Variants in IFT88 observed in about 807,000 individuals in gnomAD.
IFT88 encodes the protein intraflagellar transport 88, also known as intraflagellar transport protein 88 homolog.
Under a neutral mutation model 119.5 loss-of-function variants are expected in IFT88, and 74 were observed. The observed-to-expected ratio is 0.62, with a 90% confidence interval of 0.51 to 0.75. The LOEUF (loss-of-function observed/expected upper bound fraction) is 0.75. Ranked by LOEUF, IFT88 falls within the 30% of genes least tolerant of loss-of-function variation. The pLI, the probability that IFT88 is intolerant of heterozygous loss-of-function variation, is 0.00. For missense variants in IFT88, 961 were observed against 977.7 expected (o/e 0.98, Z 0.23); for synonymous variants, 279 against 316.7 (o/e 0.88, Z 1.26).
intron 2 of IFT88, among the ~76,000 whole-genome samples, chr13:20,581,671 C>T (rs951841373): frequency 6.3e-5 from 9 of 143,768 alleles, no homozygotes; most frequent in African/African-American, 1.7e-4. Context: ...CTGGGTAACA[C>T]GGCAAAATCC....
chr13:20,672,875 A>T (rs781069629), intron 24 of IFT88, among the ~76,000 whole-genome samples: 1 of 137,402 alleles, frequency 7.3e-6, no homozygotes, highest in Non-Finnish European at 1.5e-5. Flanking sequence ...GGAATTGTAG[A>T]TGGAGGGTCA....
intron 22 of IFT88, among the ~76,000 whole-genome samples, chr13:20,658,376 C>T (rs749016078): frequency 3.9e-5 from 6 of 152,086 alleles, no homozygotes; most frequent in Admixed American, 6.6e-5. Context: ...CCACCATGCC[C>T]GGCCTAGAAC....
intron 24 of IFT88, among the ~76,000 whole-genome samples, chr13:20,682,597 G>T (rs1196286091): frequency 6.6e-6 from 1 of 152,206 alleles, no homozygotes; most frequent in Non-Finnish European, 1.5e-5. Flanking sequence ...CCCCAAGTAG[G>T]AGTGAGGAGG....
chr13:20,669,612 C>T (rs1419817378), intron 23 of IFT88, among the ~76,000 whole-genome samples: 2 of 151,758 alleles, frequency 1.3e-5, no homozygotes, highest in Non-Finnish European at 2.9e-5. Flanking sequence ...TTAGTAGAGA[C>T]GGGGTTTTGC....
rs777464164 is a variant in IFT88, at chr13:20,656,372, C to T, written c.2010C>T (p.Tyr670=). 1 of 1,451,800 alleles carries T rather than the reference C, an allele frequency of 6.9e-7. No homozygotes were observed. The highest frequency in any genetic ancestry group is 9.4e-7 in the Non-Finnish European group (1 of 1,059,234). The allele number at this position is 1,451,800 out of a possible 1,614,324, so 89.9% of individuals were successfully genotyped here. The part of the protein sequence containing the change: ...VASCFRRSGN[Y]QKALDTYKDT... ...TCTCTTGTTTGTTTATAGGTAACTA[C>T]CAAAAAGCATTAGATACTTACAAAG... is the stretch of plus-strand genomic sequence containing the variant. The change falls in exon 22 of 26, where the codon TAC becomes TAT. Residue 670 remains tyrosine (Y), a synonymous_variant. Transcript: ENST00000351808.
intron 1 of IFT88, among the ~76,000 whole-genome samples, chr13:20,569,060 T>C (rs926556397): frequency 3.3e-5 from 5 of 152,156 alleles, no homozygotes; most frequent in African/African-American, 4.8e-5. Context: ...ATGCCATTTC[T>C]ATGTGGGTGA....
At position 20,663,577 on chromosome 13, in the gene IFT88, G is replaced by C; in HGVS notation, c.2148G>C (p.Leu716Phe). 2 of 1,613,460 alleles carry C rather than the reference G, an allele frequency of 1.2e-6. No individual in the cohort carries two copies. The highest frequency in any genetic ancestry group is 1.7e-6 in the Non-Finnish European group (2 of 1,179,704). The change falls in exon 23 of 26, where the codon TTG (leucine) becomes TTC (phenylalanine). Residue 716 changes from leucine (L) to phenylalanine (F), a missense_variant. Transcript: ENST00000351808. ...AATATGCCAGAAAACTGAAGAGGTT[G>C]GAAAAAATGAAAGAAATAAGGGAAC... ...AQEYARKLKR[L>F]EKMKEIREQR...
chr13:20,627,038 A>G (rs2047451574), intron 15 of IFT88, among the ~76,000 whole-genome samples: 1 of 152,212 alleles, frequency 6.6e-6, no homozygotes, highest in South Asian at 2.1e-4. Flanking sequence ...TATCTACTAA[A>G]GAATATGAGA....
rs141853005 is a variant in IFT88 at position 20,681,346 on chromosome 13, C to T, written c.2243-9359C>T. Among the ~76,000 whole-genome samples, 384 of 152,286 alleles carry T rather than the reference C, an allele frequency of 2.5e-3. 2 individuals carry two copies. The highest frequency in any genetic ancestry group is 6.8e-3 in the Middle Eastern group (2 of 294). ...CATGCACATAAGCTAGTCTCCTAAACGAGGGAACATGGGTGGCACCCATTT... is the reference window on the plus strand; with the variant it reads ...CATGCACATAAGCTAGTCTCCTAAATGAGGGAACATGGGTGGCACCCATTT... On this transcript the variant is annotated intron_variant, in intron 24 of 25. Coordinates refer to ENST00000351808, the MANE Select transcript of IFT88 (RefSeq NM_006531.5).
chr13:20,652,182 G>A (rs534538756), intron 20 of IFT88, among the ~76,000 whole-genome samples: 1 of 152,300 alleles, frequency 6.6e-6, no homozygotes, highest in South Asian at 2.1e-4. Flanking sequence ...AAATGCCACT[G>A]AATTGTACAC....
intron 16 of IFT88, among the ~76,000 whole-genome samples, chr13:20,637,120 T>C (rs1320423895): frequency 6.6e-6 from 1 of 152,178 alleles, no homozygotes; most frequent in African/African-American, 2.4e-5. Context: ...AGATTAGTGG[T>C]TGCCAGGGGC....
intron 2 of IFT88, among the ~76,000 whole-genome samples, chr13:20,579,434 C>T (rs181124365): frequency 3.2e-4 from 48 of 152,346 alleles, no homozygotes; most frequent in African/African-American, 1.1e-3. Context: ...GTCACCACAA[C>T]AGACCCGCAG....
At chr13:20,671,355 C>T (rs994479802) in intron 24 of IFT88, among the ~76,000 whole-genome samples, 4 of 152,170 alleles carry the variant, frequency 2.6e-5, no homozygotes, top group Non-Finnish European at 4.4e-5. Context: ...TGCTGTGTTA[C>T]ATTTTTAAAA....
chr13:20,671,060 T>TG, intron 24 of IFT88, 21 bp downstream of exon 24: 1 of 1,607,094 alleles, frequency 6.2e-7, no homozygotes, highest in East Asian at 2.2e-5. Flanking sequence ...TCTCTTTCCC[T>TG]GAAAAACTTG....
chr13:20,599,910 C>G (rs1304708923), intron 11 of IFT88, among the ~76,000 whole-genome samples: 2 of 152,092 alleles, frequency 1.3e-5, no homozygotes, highest in Admixed American at 1.3e-4. Context: ...TTAAGCTCCC[C>G]TTACGTTCTT....
intron 24 of IFT88, among the ~76,000 whole-genome samples, chr13:20,684,610 C>G (rs2057686502): frequency 6.6e-6 from 1 of 152,228 alleles, no homozygotes; most frequent in Non-Finnish European, 1.5e-5. Context: ...CCTCTACATT[C>G]ATAGTTCCTC....
At chr13:20,628,960 G>A (rs1042025753) in intron 15 of IFT88, among the ~76,000 whole-genome samples, 11 of 152,072 alleles carry the variant, frequency 7.2e-5, no homozygotes, top group African/African-American at 2.2e-4. Flanking sequence ...GTAAATGGCC[G>A]CTTCTAAAAG....
At chr13:20,600,041 G>C (rs1034254146) in intron 11 of IFT88, among the ~76,000 whole-genome samples, 8 of 152,250 alleles carry the variant, frequency 5.3e-5, no homozygotes, top group African/African-American at 1.7e-4. Context: ...TTATGGTCTA[G>C]TGATAACTGT....
chr13:20,612,515 GTAT>G (rs2044742385), intron 13 of IFT88, among the ~76,000 whole-genome samples: 1 of 152,092 alleles, frequency 6.6e-6, no homozygotes, highest in Non-Finnish European at 1.5e-5. Context: ...AAATTATGTC[GTAT>G]TTTTATGGAT....
Sources: allele counts gnomAD v4.1 joint callset (sites outside exome capture counted in the v4.1 genomes callset), GRCh38; gene constraint gnomAD v4.1.1; transcripts MANE v1.5; gene names NCBI Gene and HGNC (gene_info 2026-07-23, HGNC 2026-07-21).